Variants in SEMA3E observed in about 807,000 individuals in gnomAD.
SEMA3E encodes the protein semaphorin-3E.
SEMA3E carries 49 observed loss-of-function variants against 93.6 expected under a neutral mutation model. The observed-to-expected ratio is 0.52, with a 90% CI of 0.42 to 0.66. SEMA3E has a LOEUF of 0.66. Among genes scored for constraint, SEMA3E ranks in the 30% least tolerant of loss-of-function variants. The pLI is 0.00. For missense variants in SEMA3E, 906 were observed against 964.8 expected (o/e 0.94, Z 0.81); for synonymous variants, 363 against 330.7 (o/e 1.10, Z -1.06).
intron 1 of SEMA3E, among the ~76,000 whole-genome samples, chr7:83,600,424 A>G (rs1454596757): frequency 1.4e-5 from 2 of 142,598 alleles, no homozygotes; most frequent in African/African-American, 2.6e-5. Context: ...GGTTCATGCC[A>G]TTCTCCTGCC....
intron 1 of SEMA3E, among the ~76,000 whole-genome samples, chr7:83,613,535 C>A (rs546181392): frequency 6.9e-4 from 105 of 152,112 alleles, no homozygotes; most frequent in African/African-American, 2.5e-3. Context: ...AATGGGCCTA[C>A]TCTAATATAA....
intron 1 of SEMA3E, among the ~76,000 whole-genome samples, chr7:83,587,532 C>T (rs951764089): frequency 6.6e-6 from 1 of 152,012 alleles, no homozygotes; most frequent in Admixed American, 6.6e-5. Flanking sequence ...TAAAAATAAA[C>T]CTTGCTTTGG....
At chr7:83,530,881 G>A (rs1791279773) in intron 1 of SEMA3E, among the ~76,000 whole-genome samples, 1 of 150,422 alleles carries the variant, frequency 6.6e-6, no homozygotes, top group African/African-American at 2.5e-5. Context: ...TCCGTCGGGG[G>A]AAAAAAAAAA....
chr7:83,519,120 G>A (rs12533046), intron 1 of SEMA3E, among the ~76,000 whole-genome samples: 24 of 150,238 alleles, frequency 1.6e-4, no homozygotes, highest in Non-Finnish European at 3.5e-4. Context: ...ATCCCTCCCC[G>A]CTACCCCCAC....
At chr7:83,579,810 C>G (rs1792482851) in intron 1 of SEMA3E, among the ~76,000 whole-genome samples, 1 of 152,036 alleles carries the variant, frequency 6.6e-6, no homozygotes, top group African/African-American at 2.4e-5. Context: ...TAACCCAAAA[C>G]CACCTGTACC....
At chr7:83,411,037 T>C (rs1314438932) in intron 5 of SEMA3E, among the ~76,000 whole-genome samples, 6 of 152,084 alleles carry the variant, frequency 3.9e-5, no homozygotes, top group Non-Finnish European at 8.8e-5. Context: ...ACTTTGATAA[T>C]TGAAAATATT....
At chr7:83,521,816 C>T (rs957890383) in intron 1 of SEMA3E, among the ~76,000 whole-genome samples, 1 of 152,086 alleles carries the variant, frequency 6.6e-6, no homozygotes, top group Admixed American at 6.6e-5. Flanking sequence ...GAGGGCCCCA[C>T]CTTATGACTT....
intron 2 of SEMA3E, among the ~76,000 whole-genome samples, chr7:83,473,810 T>A (rs1350682015): frequency 6.6e-6 from 1 of 152,062 alleles, no homozygotes; most frequent in Non-Finnish European, 1.5e-5. Context: ...TCAGCTTTTT[T>A]AGGACAGGTG....
intron 12 of SEMA3E, among the ~76,000 whole-genome samples, chr7:83,396,034 C>A (rs943828473): frequency 4.8e-5 from 6 of 125,044 alleles, no homozygotes; most frequent in African/African-American, 1.5e-4. Flanking sequence ...GCAAATGATA[C>A]GACTTGATGT....
intron 12 of SEMA3E, among the ~76,000 whole-genome samples, chr7:83,395,272 G>A (rs373669736): frequency 3.9e-5 from 6 of 152,176 alleles, no homozygotes; most frequent in South Asian, 2.1e-4. Flanking sequence ...TAGCTGCTCC[G>A]GTTGATATAG....
At chr7:83,423,536 C>G (rs1286656678) in intron 4 of SEMA3E, among the ~76,000 whole-genome samples, 2 of 148,282 alleles carry the variant, frequency 1.3e-5, no homozygotes, top group African/African-American at 5.0e-5. Context: ...CAGAGTCTCG[C>G]TCTGTCGCCC....
chr7:83,615,271 A>G (rs1387606913), intron 1 of SEMA3E, among the ~76,000 whole-genome samples: 1 of 152,126 alleles, frequency 6.6e-6, no homozygotes, highest in African/African-American at 2.4e-5. Context: ...ATTCCTCCAA[A>G]TAATTCTAAA....
intron 3 of SEMA3E, among the ~76,000 whole-genome samples, chr7:83,467,408 A>C: frequency 6.6e-6 from 1 of 152,222 alleles, no homozygotes; most frequent in East Asian, 1.9e-4. Context: ...AAATTCACAT[A>C]AAGCACCTTC....
chr7:83,631,248 T>A (rs970647817), intron 1 of SEMA3E, among the ~76,000 whole-genome samples: 1 of 152,136 alleles, frequency 6.6e-6, no homozygotes, highest in Non-Finnish European at 1.5e-5. Flanking sequence ...TTGAAATTGA[T>A]CTTTCATTTA....
Position 83,390,052 on chromosome 7 carries a change from TAC to T in SEMA3E, c.1667+2501_1667+2502del, listed in dbSNP as rs1227373048. On this transcript the variant is annotated intron_variant, in intron 14 of 16. Transcript: ENST00000643230. ...ATACGTATACACATATATGCGCGTATACGTGTGCACATATATGCGCGTATACG... is the reference window on the plus strand; with the variant it reads ...ATACGTATACACATATATGCGCGTATGTGTGCACATATATGCGCGTATACG... Among the ~76,000 whole-genome samples the T allele has an allele frequency of 6.9e-3, 976 of 141,566 alleles. 37 individuals are homozygous for T. The highest frequency in any genetic ancestry group is 0.02 in the Middle Eastern group (5 of 246). 92.9% of individuals were successfully genotyped at this position (141,566 alleles called of 152,430 possible).
At chr7:83,553,389 C>T (rs946435874) in intron 1 of SEMA3E, among the ~76,000 whole-genome samples, 4 of 152,162 alleles carry the variant, frequency 2.6e-5, no homozygotes, top group African/African-American at 9.7e-5. Context: ...TCCCTACAGT[C>T]CTCCACTTTG....
intron 4 of SEMA3E, among the ~76,000 whole-genome samples, chr7:83,464,952 C>T (rs1272334390): frequency 1.3e-5 from 2 of 151,650 alleles, no homozygotes; most frequent in Admixed American, 1.3e-4. Context: ...GGCCTCTGAG[C>T]CCAAGCCAAG....
rs546426065 is a variant in SEMA3E at position 83,469,651 on chromosome 7, CTACTTAACACAG to C, written c.277-361_277-350del. ...CCTCCTGCAGTTTCTTGTGTTTTTACTACTTAACACAGAACCTGCTGTGTGGTGGGCTCTCCT... is the reference window on the plus strand; with the variant it reads ...CCTCCTGCAGTTTCTTGTGTTTTTACAACCTGCTGTGTGGTGGGCTCTCCT... On this transcript the variant is annotated intron_variant, in intron 2 of 16. Transcript: ENST00000643230. 1.0e-3 allele frequency among the ~76,000 whole-genome samples: 158 copies of C among 152,182 alleles called. 3 individuals carry two copies. The highest frequency in any genetic ancestry group is 3.7e-3 in the African/African-American group (154 of 41,518).
chr7:83,535,334 G>A (rs1416382881), intron 1 of SEMA3E, among the ~76,000 whole-genome samples: 2 of 151,866 alleles, frequency 1.3e-5, no homozygotes, highest in Admixed American at 1.3e-4. Flanking sequence ...CTGTGCTTTT[G>A]TCAGTACATA....
Sources: gnomAD v4.1 joint callset for allele counts (sites outside exome capture counted in the v4.1 genomes callset) on GRCh38, gnomAD v4.1.1 for gene constraint, MANE v1.5 for transcripts, NCBI Gene and HGNC (gene_info 2026-07-23, HGNC 2026-07-21) for gene names.